The following ASXL2 variants were observed in gnomAD, a reference collection of about 807,000 sequenced individuals.
The protein encoded by ASXL2 is ASXL transcriptional regulator 2.
ASXL2 carries 23 observed loss-of-function variants against 122.0 expected under a neutral mutation model. That is an observed-to-expected ratio of 0.19 (90% CI 0.14 to 0.27). The LOEUF is 0.27. ASXL2 is among the 10% of genes least tolerant of loss of function. The pLI is 1.00. For missense variants in ASXL2, 1,518 were observed against 1,713.8 expected, an observed-to-expected ratio of 0.89 and a Z score of 2.02; for synonymous variants, 650 against 637.0, an observed-to-expected ratio of 1.02 and a Z score of -0.31.
chr2:25,750,786 T>C (rs1357452346), intron 11 of ASXL2, among the ~76,000 whole-genome samples: 1 of 152,246 alleles, frequency 6.6e-6, no homozygotes, highest in Admixed American at 6.5e-5. Flanking sequence ...CTTCTGCTTA[T>C]AGAGGGGCCA....
At position 25,737,584 on chromosome 2, in the gene ASXL2, A is replaced by C. The variant is rs2087757456; in HGVS notation, c.*4445T>G. The C allele has an allele frequency of 6.6e-6, 1 of 152,168 alleles. No individual in the cohort carries two copies. The highest frequency in any genetic ancestry group is 1.5e-5 in the Non-Finnish European group (1 of 68,030). 9.4% of individuals were successfully genotyped at this position (152,168 alleles called of 1,614,324 possible). On this transcript the variant is annotated 3_prime_UTR_variant, in exon 13 of 13. Transcript: ENST00000435504. ...TACTCTCTTCCATACAATCTGTGGG[A>C]ACCATCCCATAGGAGTATAAGGCAG...
At position 25,848,787 on chromosome 2, in the gene ASXL2, T is replaced by C. The variant is rs1315090672; in HGVS notation, c.58-3224A>G. Among the ~76,000 whole-genome samples the C allele has an allele frequency of 3.3e-5, 5 of 151,928 alleles. No homozygotes were observed. In the South Asian group the frequency reaches 1.0e-3, roughly 32 times the overall value. On this transcript the variant is annotated intron_variant, in intron 1 of 12. Transcript: ENST00000435504. The stretch of plus-strand genomic sequence containing the variant: ...GAGGCCGGGCACCGTGACTCAGGCC[T>C]GTAATCCCAGTACTTTGGGAGGCCA...
chr2:25,776,274 T>C (rs1407589786), intron 5 of ASXL2, among the ~76,000 whole-genome samples: 3 of 152,212 alleles, frequency 2.0e-5, no homozygotes, highest in Admixed American at 6.5e-5. Flanking sequence ...TAGTGCTCGT[T>C]TGTGAATGAC....
intron 2 of ASXL2, among the ~76,000 whole-genome samples, chr2:25,843,493 G>T (rs1445343399): frequency 1.3e-5 from 2 of 151,966 alleles, no homozygotes; most frequent in Non-Finnish European, 1.5e-5. Flanking sequence ...ATTTTTCAGG[G>T]ATGTGTTATA....
rs117474160 is a variant in ASXL2, at chr2:25,779,391, C to A, written c.404-7851G>T. On this transcript the variant is annotated intron_variant, in intron 5 of 12. Transcript: ENST00000435504. ...GGGATTACAGACATGAGCCACCATGCCCAGCCTGATTTTGTATTTTTATCC... is the reference window on the plus strand; with the variant it reads ...GGGATTACAGACATGAGCCACCATGACCAGCCTGATTTTGTATTTTTATCC... 6.4e-4 allele frequency among the ~76,000 whole-genome samples: 98 copies of A among 152,150 alleles called. 1 individual carries two copies. In the East Asian group the frequency reaches 0.016, roughly 25 times the overall value.
chr2:25,752,719 C>T (rs575865509), intron 11 of ASXL2, among the ~76,000 whole-genome samples: 1 of 151,878 alleles, frequency 6.6e-6, no homozygotes, highest in South Asian at 2.1e-4. Flanking sequence ...TGGTGGTACA[C>T]GCCTGTAATC....
Position 25,743,732 on chromosome 2 carries a change from A to T in ASXL2, c.2605T>A (p.Ser869Thr). 1 of 1,613,938 alleles carries T rather than the reference A, an allele frequency of 6.2e-7. No homozygotes were observed. Among genetic ancestry groups the T allele is most frequent in the South Asian group, 1.1e-5 (1 of 91,074 alleles). ...AGPSKNIPNP[S>T]ASSKTDASVP... is the part of the protein sequence containing the mutation. ...CTAGCATCTGTCTTTGATGAGGCTG[A>T]AGGGTTAGGTATATTCTTACTAGGA... Residue 869 changes from serine to threonine, a missense_variant, in exon 13 of 13, where the codon TCA becomes ACA. Physicochemically the swap from Ser to Thr is moderately conservative, Grantham distance 58. Transcript: ENST00000435504.
At chr2:25,786,024 T>C (rs1194944195) in intron 5 of ASXL2, among the ~76,000 whole-genome samples, 1 of 152,100 alleles carries the variant, frequency 6.6e-6, no homozygotes, top group East Asian at 1.9e-4. Flanking sequence ...TAATAATATA[T>C]CACAACCAAG....
intron 3 of ASXL2, among the ~76,000 whole-genome samples, chr2:25,809,365 T>C: frequency 6.6e-6 from 1 of 152,148 alleles, no homozygotes; most frequent in East Asian, 1.9e-4. Context: ...CACATTTTTG[T>C]TTTGTTTTTG....
chr2:25,867,088 C>T (rs555525989), intron 1 of ASXL2, among the ~76,000 whole-genome samples: 80 of 152,098 alleles, frequency 5.3e-4, no homozygotes, highest in African/African-American at 1.6e-3. Flanking sequence ...TTAGTAGAGA[C>T]GGGGTTTCTC....
At chr2:25,761,620 CCGAGA>C (rs1169193439) in intron 8 of ASXL2, among the ~76,000 whole-genome samples, 3 of 149,370 alleles carry the variant, frequency 2.0e-5, no homozygotes, top group African/African-American at 2.5e-5. Flanking sequence ...TTGCAGTGAG[CCGAGA>C]TCGCACCACT....
In ASXL2 at chr2:25,747,797, C is replaced by A. The variant is rs1333002963; in HGVS notation, c.1860+1899G>T. 2.6e-5 allele frequency among the ~76,000 whole-genome samples: 4 copies of A among 151,930 alleles called. No homozygotes were observed. In the South Asian group the frequency reaches 6.3e-4, roughly 24 times the overall value. Reference sequence around the variant, plus strand: ...TTATAATAAAAATCAGAATCTCTGGCGATGCATGTTAATGGTAGAAAAAAA... The same window carrying A: ...TTATAATAAAAATCAGAATCTCTGGAGATGCATGTTAATGGTAGAAAAAAA... On this transcript the variant is annotated intron_variant, in intron 12 of 12. Transcript: ENST00000435504.
chr2:25,820,566 C>G (rs905156404), intron 3 of ASXL2, among the ~76,000 whole-genome samples: 1 of 152,136 alleles, frequency 6.6e-6, no homozygotes, highest in African/African-American at 2.4e-5. Context: ...GCCAAACTTA[C>G]AGAGACAGAA....
chr2:25,822,721 C>CATAG (rs1481836887), intron 3 of ASXL2: 1 of 696,676 alleles, frequency 1.4e-6, no homozygotes, highest in Non-Finnish European at 2.5e-6. Flanking sequence ...TCTGGCCAGT[C>CATAG]ATAGCCAAGG....
Position 25,742,375 on chromosome 2 carries a change from G to T in ASXL2, c.3962C>A (p.Thr1321Asn), listed in dbSNP as rs750253621. 3.7e-6 allele frequency: 6 copies of T among 1,612,380 alleles called. No homozygotes were observed. The highest frequency in any genetic ancestry group is 5.1e-6 in the Non-Finnish European group (6 of 1,179,320). Reference sequence around the variant, plus strand: ...GCCTCTATAGCTTGGCCCTATCTGGGTGGGGCTTCCATACAACTTCGGGGT... The same window carrying T: ...GCCTCTATAGCTTGGCCCTATCTGGTTGGGGCTTCCATACAACTTCGGGGT... ...LQTPKLYGSP[T>N]QIGPSYRGMI... The change falls in exon 13 of 13, where the codon ACC becomes AAC. Residue 1321 changes from threonine to asparagine, a missense_variant. Transcript: ENST00000435504.
chr2:25,814,219 A>G (rs2089207460), intron 3 of ASXL2, among the ~76,000 whole-genome samples: 1 of 152,228 alleles, frequency 6.6e-6, no homozygotes, highest in African/African-American at 2.4e-5. Flanking sequence ...GGAAAATACA[A>G]AAAGTCAAAG....
intron 1 of ASXL2, among the ~76,000 whole-genome samples, chr2:25,858,900 GTC>G: frequency 7.0e-6 from 1 of 142,872 alleles, no homozygotes; most frequent in Non-Finnish European, 1.5e-5. Flanking sequence ...TGGAACCTCC[GTC>G]TCCTGGGTTC....
Position 25,878,408 on chromosome 2 carries a change from G to T in ASXL2, c.-186C>A. 1.6e-6 allele frequency: 1 copy of T among 606,658 alleles called. No individual in the cohort carries two copies. Among genetic ancestry groups the T allele is most frequent in the Admixed American group, 3.0e-5 (1 of 33,746 alleles). 37.6% of individuals were successfully genotyped at this position (606,658 alleles called of 1,614,324 possible). A position where few individuals can be genotyped will look rare whatever the true frequency, so the allele number is the denominator to read the frequency against. On this transcript the variant is annotated 5_prime_UTR_variant, in exon 1 of 13. Coordinates refer to ENST00000435504, the MANE Select transcript of ASXL2 (RefSeq NM_018263.6). ...GCGCGGGGGGGTCTATGGGGCGGCCGGTCCTCTTGCTGCCGTTGCCACTGC... is the reference window on the plus strand; with the variant it reads ...GCGCGGGGGGGTCTATGGGGCGGCCTGTCCTCTTGCTGCCGTTGCCACTGC...
At chr2:25,763,273 C>T (rs552129669) in intron 8 of ASXL2, among the ~76,000 whole-genome samples, 90 of 152,132 alleles carry the variant, frequency 5.9e-4, no homozygotes, top group African/African-American at 2.0e-3. Context: ...GGCGGTATCA[C>T]GAGGTCAGGA....
Sources: gnomAD v4.1 joint callset for allele counts (sites outside exome capture counted in the v4.1 genomes callset) on GRCh38, gnomAD v4.1.1 for gene constraint, MANE v1.5 for transcripts, NCBI Gene and HGNC (gene_info 2026-07-23, HGNC 2026-07-21) for gene names.